The following CASR variants were observed in gnomAD, a reference collection of about 807,000 sequenced individuals.
CASR encodes the protein extracellular calcium-sensing receptor.
In CASR, 23 loss-of-function variants were observed where a neutral mutation model predicts 69.1. That is an observed-to-expected ratio of 0.33 (90% CI 0.24 to 0.47). CASR has a LOEUF of 0.47. CASR is among the 20% of genes least tolerant of loss of function. The pLI is 1.00. For missense variants in CASR, 924 were observed against 1,356.1 expected (o/e 0.68, Z 5.00); for synonymous variants, 541 against 544.7 (o/e 0.99, Z 0.10).
At chr3:122,251,621 A>G (rs771535603) in intron 1 of CASR, among the ~76,000 whole-genome samples, 14 of 152,226 alleles carry the variant, frequency 9.2e-5, no homozygotes, top group East Asian at 1.9e-4. Flanking sequence ...GGGGAACAGC[A>G]AGTGTGAGAT....
intron 1 of CASR, among the ~76,000 whole-genome samples, chr3:122,224,012 A>G (rs2074199027): frequency 1.3e-5 from 2 of 152,168 alleles, no homozygotes; most frequent in African/African-American, 4.8e-5. Flanking sequence ...AAAAACCCTC[A>G]CCAAATTAGA....
chr3:122,195,508 G>A (rs975384490), intron 1 of CASR, among the ~76,000 whole-genome samples: 32 of 152,196 alleles, frequency 2.1e-4, no homozygotes, highest in African/African-American at 6.7e-4. Context: ...CATTCCATGC[G>A]CTATTCTTGG....
At chr3:122,234,825 G>A (rs1232153857) in intron 1 of CASR, among the ~76,000 whole-genome samples, 4 of 152,316 alleles carry the variant, frequency 2.6e-5, no homozygotes, top group South Asian at 2.1e-4. Context: ...GACCAGCTTC[G>A]GGTGTCATTA....
chr3:122,240,771 C>T (rs995842887), intron 1 of CASR, among the ~76,000 whole-genome samples: 1 of 152,066 alleles, frequency 6.6e-6, no homozygotes, highest in Non-Finnish European at 1.5e-5. Flanking sequence ...AAGTATAAAC[C>T]GTATGTTGGG....
intron 1 of CASR, among the ~76,000 whole-genome samples, chr3:122,191,369 C>T (rs994467907): frequency 5.3e-5 from 8 of 152,040 alleles, no homozygotes; most frequent in Admixed American, 3.3e-4. Flanking sequence ...TGGAGTGCAA[C>T]GGTGCGATCT....
intron 1 of CASR, among the ~76,000 whole-genome samples, chr3:122,213,897 G>A (rs2074091754): frequency 6.6e-6 from 1 of 152,174 alleles, no homozygotes; most frequent in Non-Finnish European, 1.5e-5. Context: ...CCTGAGAATA[G>A]GTTTCTCATT....
At chr3:122,184,776 G>T (rs1340443541) in intron 1 of CASR, among the ~76,000 whole-genome samples, 1 of 152,258 alleles carries the variant, frequency 6.6e-6, no homozygotes, top group African/African-American at 2.4e-5. Context: ...CCACGCGAAT[G>T]AACGGGAGCG....
At chr3:122,274,072 A>G (rs544233878) in intron 4 of CASR, among the ~76,000 whole-genome samples, 1 of 152,328 alleles carries the variant, frequency 6.6e-6, no homozygotes, top group African/African-American at 2.4e-5. Flanking sequence ...GGAGAAGACG[A>G]GGGACACAAA....
At chr3:122,272,577 A>G (rs2107640982) in intron 4 of CASR, among the ~76,000 whole-genome samples, 1 of 152,366 alleles carries the variant, frequency 6.6e-6, no homozygotes, top group East Asian at 1.9e-4. Flanking sequence ...CTCTGTACTT[A>G]GAGATGATAC....
intron 1 of CASR, among the ~76,000 whole-genome samples, chr3:122,251,245 A>G (rs1201603373): frequency 9.9e-5 from 15 of 152,234 alleles, no homozygotes. Flanking sequence ...TCAGACGTTT[A>G]TGAACATAAC....
chr3:122,260,177 G>T (rs1285560025), intron 3 of CASR, among the ~76,000 whole-genome samples: 4 of 152,178 alleles, frequency 2.6e-5, no homozygotes, highest in Non-Finnish European at 5.9e-5. Context: ...GGGTGACCAG[G>T]TGGGGCCTGA....
chr3:122,214,016 C>T (rs2074093098), intron 1 of CASR, among the ~76,000 whole-genome samples: 2 of 152,168 alleles, frequency 1.3e-5, no homozygotes, highest in Non-Finnish European at 2.9e-5. Context: ...CGTGTCATGT[C>T]CTCTTCCTGA....
chr3:122,187,932 TCA>T (rs1217368325), intron 1 of CASR, among the ~76,000 whole-genome samples: 1 of 152,200 alleles, frequency 6.6e-6, no homozygotes, highest in Non-Finnish European at 1.5e-5. Flanking sequence ...CTGTGGGACC[TCA>T]GTTAAGTAAT....
At chr3:122,208,225 CTCTT>C (rs1247388771) in intron 1 of CASR, among the ~76,000 whole-genome samples, 10 of 152,016 alleles carry the variant, frequency 6.6e-5, no homozygotes, top group South Asian at 4.1e-4. Context: ...GCTAAATTCT[CTCTT>C]TGTTTTTTCT....
chr3:122,237,542 A>G (rs1044384041), intron 1 of CASR, among the ~76,000 whole-genome samples: 5 of 152,246 alleles, frequency 3.3e-5, no homozygotes, highest in African/African-American at 1.2e-4. Context: ...TGACATATTC[A>G]CGCAGTGGAA....
chr3:122,245,368 T>C (rs1407169960), intron 1 of CASR: 2 of 152,198 alleles, frequency 1.3e-5, no homozygotes, highest in Non-Finnish European at 2.9e-5. Context: ...TTTATTTTAT[T>C]AAATTTCAGA....
Position 122,286,489 on chromosome 3 carries a change from A to G in CASR, c.*1298A>G, listed in dbSNP as rs1470056406. 6.6e-6 allele frequency: 1 copy of G among 152,242 alleles called. No homozygotes were observed. The highest frequency in any genetic ancestry group is 1.5e-5 in the Non-Finnish European group (1 of 68,048). 9.4% of individuals were successfully genotyped at this position (152,242 alleles called of 1,614,324 possible). Reference sequence around the variant, plus strand: ...ATAAGCATTCAATAAATATTAGTTAATATTATTACTGATACTGTAATAATT... The same window carrying G: ...ATAAGCATTCAATAAATATTAGTTAGTATTATTACTGATACTGTAATAATT... On this transcript the variant is annotated 3_prime_UTR_variant, in exon 7 of 7. Coordinates refer to ENST00000639785, the MANE Select transcript of CASR (RefSeq NM_000388.4).
At chr3:122,259,628 A>ATTTTTTT (rs11414721) in intron 3 of CASR, among the ~76,000 whole-genome samples, 1,615 of 122,158 alleles carry the variant, frequency 0.013, 63 homozygotes, top group Non-Finnish European at 0.021. Context: ...CACATTGGAA[A>ATTTTTTT]TTTTTTTTTT....
intron 3 of CASR, 199 bp downstream of exon 3, chr3:122,257,586 A>G (rs2074570022): frequency 3.7e-6 from 2 of 542,426 alleles, no homozygotes; most frequent in Non-Finnish European, 6.5e-6. Flanking sequence ...TACCTTCACT[A>G]TGCTTCCAAA....
Sources: gnomAD v4.1 joint callset for allele counts (sites outside exome capture counted in the v4.1 genomes callset) on GRCh38, gnomAD v4.1.1 for gene constraint, MANE v1.5 for transcripts, NCBI Gene and HGNC (gene_info 2026-07-23, HGNC 2026-07-21) for gene names.